The following NREP variants were observed in gnomAD, a reference collection of about 807,000 sequenced individuals.
NREP encodes the protein neuronal regeneration-related protein.
In NREP, 5 loss-of-function variants were observed where a neutral mutation model predicts 8.6. That is an observed-to-expected ratio of 0.58 (90% CI 0.30 to 1.22). NREP has a LOEUF of 1.22. Among genes scored for constraint, NREP ranks in the 50% most tolerant of loss-of-function variants. The pLI, the probability that NREP is intolerant of heterozygous loss-of-function variation, is 0.07. For synonymous variants in NREP, 27 were observed against 28.0 expected, an observed-to-expected ratio of 0.96 and a Z score of 0.11; for missense variants, 86 against 82.5, an observed-to-expected ratio of 1.04 and a Z score of -0.17.
At chr5:111,756,320 C>CCGGG in intron 1 of NREP, 1 of 30,648 alleles carries the variant, frequency 3.3e-5, no homozygotes, top group Non-Finnish European at 5.9e-5. Flanking sequence ...AAACCCTACA[C>CCGGG]GGCGGGGGGG....
intron 2 of NREP, among the ~76,000 whole-genome samples, chr5:111,782,402 T>C (rs990767503): frequency 2.0e-5 from 3 of 152,252 alleles, no homozygotes; most frequent in Non-Finnish European, 4.4e-5. Flanking sequence ...CATCTCTGCA[T>C]GTGTTGGAGT....
chr5:111,877,465 GA>G (rs1753937687), intron 2 of NREP, among the ~76,000 whole-genome samples: 1 of 152,180 alleles, frequency 6.6e-6, no homozygotes, highest in East Asian at 1.9e-4. Context: ...AAAAAATAGA[GA>G]TTTGCTTGCT....
intron 2 of NREP, among the ~76,000 whole-genome samples, chr5:111,963,365 C>T (rs912722529): frequency 6.6e-6 from 1 of 152,252 alleles, no homozygotes; most frequent in South Asian, 2.1e-4. Context: ...TCAAGCATCT[C>T]AGAGAAACTC....
intron 2 of NREP, among the ~76,000 whole-genome samples, chr5:111,866,294 C>T (rs1753662897): frequency 6.6e-6 from 1 of 151,550 alleles, no homozygotes; most frequent in African/African-American, 2.4e-5. Context: ...TGAACTCAAA[C>T]AAATTTACGA....
intron 2 of NREP, among the ~76,000 whole-genome samples, chr5:111,776,411 C>T (rs1384828372): frequency 6.6e-6 from 1 of 152,084 alleles, no homozygotes; most frequent in African/African-American, 2.4e-5. Flanking sequence ...AACTGTTTAG[C>T]AATGTTCACT....
At chr5:111,835,201 G>T (rs1752864211) in intron 2 of NREP, among the ~76,000 whole-genome samples, 1 of 152,102 alleles carries the variant, frequency 6.6e-6, no homozygotes, top group African/African-American at 2.4e-5. Flanking sequence ...GCCACAGAAG[G>T]AACACACCCA....
intron 2 of NREP, among the ~76,000 whole-genome samples, chr5:111,848,405 T>C (rs1285355732): frequency 6.6e-6 from 1 of 151,482 alleles, no homozygotes; most frequent in Admixed American, 6.6e-5. Context: ...CAGGATGCTT[T>C]TGACACTTTC....
chr5:111,879,417 A>G (rs560231758), intron 2 of NREP, among the ~76,000 whole-genome samples: 4 of 152,368 alleles, frequency 2.6e-5, no homozygotes, highest in African/African-American at 9.6e-5. Context: ...TTAACAAAAT[A>G]TATAAGCAAA....
rs1017914199 is a variant in NREP, at chr5:111,850,417, G to A, written c.136-114910C>T. The stretch of plus-strand genomic sequence containing the variant: ...ATGTCTGCAGCATATTTCCATTTAT[G>A]TCTCTAACTATCATTTCCAAACCAT... On this transcript the variant is annotated intron_variant, in intron 2 of 3. Transcript: ENST00000395634. Among the ~76,000 whole-genome samples, 4 of 152,172 alleles carry A rather than the reference G, an allele frequency of 2.6e-5. No homozygotes were observed. The South Asian group carries it at 6.2e-4, about 24-fold the overall frequency.
chr5:111,824,084 G>T (rs1442909017), intron 2 of NREP, among the ~76,000 whole-genome samples: 5 of 152,152 alleles, frequency 3.3e-5, no homozygotes, highest in Admixed American at 3.3e-4. Context: ...AAAGAAATAT[G>T]TTTTAGCCCG....
At chr5:111,917,460 A>G (rs1755095225) in intron 2 of NREP, among the ~76,000 whole-genome samples, 1 of 152,198 alleles carries the variant, frequency 6.6e-6, no homozygotes. Context: ...AAAATCCTCA[A>G]TAAAATACTG....
At chr5:111,892,706 T>C (rs983621061) in intron 2 of NREP, among the ~76,000 whole-genome samples, 9 of 152,130 alleles carry the variant, frequency 5.9e-5, no homozygotes, top group Non-Finnish European at 1.0e-4. Context: ...TCTAATATAA[T>C]TAAAAGAGTG....
At chr5:111,779,311 T>C (rs1423786971) in intron 2 of NREP, among the ~76,000 whole-genome samples, 3 of 152,136 alleles carry the variant, frequency 2.0e-5, no homozygotes, top group Non-Finnish European at 4.4e-5. Flanking sequence ...TTCACTTCTT[T>C]TCCCAGCTCT....
chr5:111,921,789 C>T (rs1430859732), intron 2 of NREP, among the ~76,000 whole-genome samples: 1 of 151,996 alleles, frequency 6.6e-6, no homozygotes, highest in East Asian at 1.9e-4. Flanking sequence ...TGGGAGGGAC[C>T]CGGAGGGAGG....
At chr5:111,957,300 A>C (rs1756351802) in intron 2 of NREP, among the ~76,000 whole-genome samples, 1 of 152,040 alleles carries the variant, frequency 6.6e-6, no homozygotes, top group Non-Finnish European at 1.5e-5. Context: ...AAATTTGATA[A>C]AATGGGAAAT....
intron 2 of NREP, among the ~76,000 whole-genome samples, chr5:111,794,328 A>G (rs1284317783): frequency 1.3e-5 from 2 of 152,210 alleles, no homozygotes; most frequent in African/African-American, 4.8e-5. Context: ...GTATTTACCC[A>G]AAGGAGTTAA....
chr5:111,876,740 GTTTA>G (rs940252111), intron 2 of NREP, among the ~76,000 whole-genome samples: 1 of 152,148 alleles, frequency 6.6e-6, no homozygotes, highest in Non-Finnish European at 1.5e-5. Context: ...TTTATTCATA[GTTTA>G]TTTATTTATC....
chr5:111,746,918 A>G (rs1750042793), intron 2 of NREP, among the ~76,000 whole-genome samples: 1 of 152,158 alleles, frequency 6.6e-6, no homozygotes, highest in African/African-American at 2.4e-5. Flanking sequence ...TTAAGCTACT[A>G]TTAACTGAGT....
intron 2 of NREP, among the ~76,000 whole-genome samples, chr5:111,795,958 C>T (rs75439054): frequency 6.6e-6 from 1 of 152,326 alleles, no homozygotes; most frequent in Non-Finnish European, 1.5e-5. Context: ...GAATTCTTAA[C>T]CACTGTATTA....
Sources: gnomAD v4.1 joint callset for allele counts (sites outside exome capture counted in the v4.1 genomes callset) on GRCh38, gnomAD v4.1.1 for gene constraint, MANE v1.5 for transcripts, NCBI Gene and HGNC (gene_info 2026-07-23, HGNC 2026-07-21) for gene names.